CACNA2D3: variants seen among roughly 807,000 people sequenced by gnomAD.
The protein encoded by CACNA2D3 is voltage-dependent calcium channel subunit alpha-2/delta-3.
Under a neutral mutation model 160.6 loss-of-function variants are expected in CACNA2D3, and 60 were observed. The ratio of observed to expected loss-of-function variants is 0.37; its 90% confidence interval spans 0.30 to 0.46. The LOEUF (loss-of-function observed/expected upper bound fraction) is 0.46. Ranked by LOEUF, CACNA2D3 falls within the 20% of genes least tolerant of loss-of-function variation. The pLI, the probability that CACNA2D3 is intolerant of heterozygous loss-of-function variation, is 1.00. For synonymous variants in CACNA2D3, 558 were observed against 492.9 expected, an observed-to-expected ratio of 1.13 and a Z score of -1.75; for missense variants, 1,205 against 1,365.0, an observed-to-expected ratio of 0.88 and a Z score of 1.85.
intron 11 of CACNA2D3, among the ~76,000 whole-genome samples, chr3:54,644,799 G>T (rs1363457447): frequency 6.6e-6 from 1 of 152,230 alleles, no homozygotes; most frequent in Non-Finnish European, 1.5e-5. Context: ...CCTGAGTGCT[G>T]CGGAGGCTGC....
rs74531062 is a variant in CACNA2D3, at chr3:54,982,929, G to A, written c.2557-1679G>A. Reference sequence around the variant, plus strand: ...TTCTTTACTGCAACCTGTTGTATCAGCAAGGTCTTTATGACTTGTTGTATC... The same window carrying A: ...TTCTTTACTGCAACCTGTTGTATCAACAAGGTCTTTATGACTTGTTGTATC... On this transcript the variant is annotated intron_variant, in intron 29 of 37. Transcript: ENST00000474759. Among the ~76,000 whole-genome samples, 1,387 of 152,236 alleles carry A rather than the reference G, an allele frequency of 9.1e-3. 25 individuals carry two copies. The highest frequency in any genetic ancestry group is 0.031 in the African/African-American group (1,307 of 41,544).
chr3:54,369,838 T>C (rs9827201), intron 3 of CACNA2D3, among the ~76,000 whole-genome samples: 31,965 of 152,116 alleles, frequency 0.21, 3,509 homozygotes, highest in Middle Eastern at 0.29. Flanking sequence ...GTCTGGCAAA[T>C]TGCATTAGGC....
chr3:54,925,873 T>C (rs1700999441), intron 27 of CACNA2D3, among the ~76,000 whole-genome samples: 1 of 152,218 alleles, frequency 6.6e-6, no homozygotes, highest in Non-Finnish European at 1.5e-5. Flanking sequence ...TTGATATCCA[T>C]TTTTGCCGTT....
At chr3:54,332,268 T>C (rs1704283525) in intron 3 of CACNA2D3, among the ~76,000 whole-genome samples, 1 of 152,234 alleles carries the variant, frequency 6.6e-6, no homozygotes, top group African/African-American at 2.4e-5. Flanking sequence ...TTTTGAAATT[T>C]CACATTTGCA....
intron 35 of CACNA2D3, among the ~76,000 whole-genome samples, chr3:55,055,381 T>C (rs947892313): frequency 1.3e-5 from 2 of 152,262 alleles, no homozygotes. Context: ...ATTTCTGGGC[T>C]CTTTATTCTG....
intron 5 of CACNA2D3, 97 bp downstream of exon 5, chr3:54,503,751 ATTT>A: frequency 1.8e-6 from 2 of 1,120,584 alleles, no homozygotes; most frequent in Non-Finnish European, 2.6e-6. Context: ...GGTTTGTTTC[ATTT>A]TTTTTGAAAA....
intron 2 of CACNA2D3, among the ~76,000 whole-genome samples, chr3:54,125,098 A>G (rs1699561883): frequency 6.6e-6 from 1 of 152,334 alleles, no homozygotes; most frequent in South Asian, 2.1e-4. Context: ...TTAAAGAAGT[A>G]TTTCTCATCT....
chr3:54,334,240 C>T (rs1250855306), intron 3 of CACNA2D3, among the ~76,000 whole-genome samples: 4 of 152,030 alleles, frequency 2.6e-5, no homozygotes, highest in African/African-American at 9.7e-5. Context: ...GCGCTCGCCA[C>T]GACGCTCAGC....
At chr3:54,431,427 ATCC>A (rs1268639812) in intron 4 of CACNA2D3, among the ~76,000 whole-genome samples, 1 of 152,174 alleles carries the variant, frequency 6.6e-6, no homozygotes, top group Non-Finnish European at 1.5e-5. Flanking sequence ...AAAGGTTTTC[ATCC>A]TCATTGTCTT....
chr3:54,183,657 G>A (rs1700823693), intron 2 of CACNA2D3, among the ~76,000 whole-genome samples: 1 of 151,970 alleles, frequency 6.6e-6, no homozygotes, highest in Non-Finnish European at 1.5e-5. Context: ...GGCTGAGGCG[G>A]GTGGATCACC....
At chr3:54,658,060 C>T (rs1699906044) in intron 11 of CACNA2D3, among the ~76,000 whole-genome samples, 1 of 152,168 alleles carries the variant, frequency 6.6e-6, no homozygotes, top group South Asian at 2.1e-4. Flanking sequence ...GTGTACACTA[C>T]ATTTTCTTTA....
chr3:54,532,299 T>C (rs981700369), intron 5 of CACNA2D3, among the ~76,000 whole-genome samples: 1 of 152,162 alleles, frequency 6.6e-6, no homozygotes, highest in Non-Finnish European at 1.5e-5. Context: ...GAATCAAGGT[T>C]TGAGATTTAG....
At chr3:54,155,247 A>G (rs1011237187) in intron 2 of CACNA2D3, among the ~76,000 whole-genome samples, 6 of 152,212 alleles carry the variant, frequency 3.9e-5, no homozygotes, top group African/African-American at 1.4e-4. Flanking sequence ...ACTTACCCCA[A>G]CAAAGCTTTA....
At chr3:54,736,805 C>T (rs1389191512) in intron 11 of CACNA2D3, among the ~76,000 whole-genome samples, 1 of 152,120 alleles carries the variant, frequency 6.6e-6, no homozygotes, top group East Asian at 1.9e-4. Context: ...TCCCACATGC[C>T]TTGAAAAGGT....
chr3:54,547,522 C>A (rs60064188), intron 5 of CACNA2D3, among the ~76,000 whole-genome samples: 1 of 152,120 alleles, frequency 6.6e-6, no homozygotes, highest in African/African-American at 2.4e-5. Flanking sequence ...TACACTCTCC[C>A]GTGGGTAGAG....
chr3:54,773,724 T>G (rs1416919001), intron 13 of CACNA2D3, among the ~76,000 whole-genome samples: 1 of 152,240 alleles, frequency 6.6e-6, no homozygotes, highest in Non-Finnish European at 1.5e-5. Context: ...GTATTCCTGA[T>G]TTTTGGTACC....
In CACNA2D3 at chr3:54,896,836, A is replaced by G. The variant is rs1192522177; in HGVS notation, c.2334A>G (p.Pro778=). 19 of 1,613,906 alleles carry G rather than the reference A, an allele frequency of 1.2e-5. No individual in the cohort carries two copies. The highest frequency in any genetic ancestry group is 1.6e-5 in the Non-Finnish European group (19 of 1,179,888). Residue 778 remains proline, a synonymous_variant, in exon 26 of 38, where the codon CCA becomes CCG. Coordinates refer to ENST00000474759, the MANE Select transcript of CACNA2D3 (RefSeq NM_018398.3). The part of the protein sequence containing the change: ...LWYRRAAEQI[P]GSFVYSIPFS... ...ACCGAAGAGCCGCTGAGCAGATTCC[A>G]GGGAGCTTCGTCTACTCGATCCCAT...
chr3:54,549,110 A>C (rs1286694363), intron 5 of CACNA2D3, among the ~76,000 whole-genome samples: 2 of 152,154 alleles, frequency 1.3e-5, no homozygotes, highest in East Asian at 1.9e-4. Flanking sequence ...TATAAATCTC[A>C]TATTAGAGGC....
chr3:55,044,600 C>CA (rs1368850046), intron 35 of CACNA2D3, among the ~76,000 whole-genome samples: 2 of 150,966 alleles, frequency 1.3e-5, no homozygotes, highest in Non-Finnish European at 3.0e-5. Context: ...TTTATTTCTT[C>CA]TTTTTTTTTC....
Sources: gnomAD v4.1 joint callset for allele counts (sites outside exome capture counted in the v4.1 genomes callset) on GRCh38, gnomAD v4.1.1 for gene constraint, MANE v1.5 for transcripts, NCBI Gene and HGNC (gene_info 2026-07-23, HGNC 2026-07-21) for gene names.